Variants in FLYWCH1 observed in about 807,000 individuals in gnomAD.
FLYWCH1 encodes FLYWCH-type zinc finger-containing protein 1.
FLYWCH1 carries 75 observed loss-of-function variants against 66.4 expected under a neutral mutation model. The observed-to-expected ratio is 1.13, with a 90% CI of 0.94 to 1.37. FLYWCH1 has a LOEUF of 1.37. Ranked by LOEUF, FLYWCH1 falls within the 40% of genes most tolerant of loss-of-function variation. The probability of loss-of-function intolerance (pLI) is 0.00; values close to 1 mark genes in which losing one functional copy is unlikely to be tolerated. For synonymous variants in FLYWCH1, 595 were observed against 429.9 expected (o/e 1.38, Z -4.75); for missense variants, 1,334 against 1,001.8 (o/e 1.33, Z -4.48).
intron 9 of FLYWCH1, among the ~76,000 whole-genome samples, chr16:2,947,693 T>C (rs1596409817): frequency 6.7e-6 from 1 of 148,766 alleles, no homozygotes; most frequent in Non-Finnish European, 1.5e-5. Context: ...ACCTGGGAGG[T>C]AGAGGTTGCA....
intron 2 of FLYWCH1, among the ~76,000 whole-genome samples, chr16:2,916,382 T>C (rs899636036): frequency 6.7e-6 from 1 of 150,096 alleles, no homozygotes; most frequent in Non-Finnish European, 1.5e-5. Flanking sequence ...ACGCCTGTAA[T>C]CCCAGCACTT....
At chr16:2,915,936 C>G (rs1168334921) in intron 2 of FLYWCH1, among the ~76,000 whole-genome samples, 1 of 152,182 alleles carries the variant, frequency 6.6e-6, no homozygotes, top group South Asian at 2.1e-4. Flanking sequence ...GATTATAAGG[C>G]TGATTTCATC....
At chr16:2,923,978 A>G (rs1409904085) in intron 2 of FLYWCH1, among the ~76,000 whole-genome samples, 3 of 152,138 alleles carry the variant, frequency 2.0e-5, no homozygotes, top group Admixed American at 2.0e-4. Context: ...TGGAGGTTGC[A>G]TTGAGCTGAG....
In FLYWCH1 at chr16:2,933,269, C is replaced by T; in HGVS notation, c.936C>T (p.Cys312=). Residue 312 remains cysteine (C), a synonymous_variant, in exon 5 of 10, where the codon TGC becomes TGT. Transcript: ENST00000253928. The part of the protein sequence containing the change: ...WTCRDHALHG[C]RSRAITQGQR... ...GCCGGGACCACGCGCTGCACGGCTG[C>T]CGGAGCCGGGCCATCACCCAGGGAC... 2.5e-6 allele frequency: 4 copies of T among 1,612,896 alleles called. No homozygotes were observed. The highest frequency in any genetic ancestry group is 3.4e-6 in the Non-Finnish European group (4 of 1,179,636).
Position 2,930,448 on chromosome 16 carries a change from G to C in FLYWCH1, c.364G>C (p.Gly122Arg), listed in dbSNP as rs1209565365. 2.0e-6 allele frequency: 3 copies of C among 1,493,042 alleles called. No individual in the cohort carries two copies. The highest frequency in any genetic ancestry group is 1.4e-5 in the African/African-American group (1 of 70,076). 92.5% of individuals were successfully genotyped at this position (1,493,042 alleles called of 1,614,324 possible). Reference sequence around the variant, plus strand: ...CCTGGAGTTCCTGAGGACACCATTCGGGGGCCGCCTCCTGGTGCTGGAGTC... The same window carrying C: ...CCTGGAGTTCCTGAGGACACCATTCCGGGGCCGCCTCCTGGTGCTGGAGTC... ...QSLEFLRTPF[G>R]GRLLVLESFL... Residue 122 changes from glycine to arginine, a missense_variant, in exon 4 of 10, where the codon GGG (glycine) becomes CGG (arginine). Transcript: ENST00000253928.
At chr16:2,942,458 C>A (rs977469130) in intron 9 of FLYWCH1, among the ~76,000 whole-genome samples, 5 of 152,120 alleles carry the variant, frequency 3.3e-5, no homozygotes, top group African/African-American at 4.8e-5. Flanking sequence ...CCAGCTCATT[C>A]TCTAAGACCA....
rs1269003650 is a variant in FLYWCH1 at position 2,948,669 on chromosome 16, T to C, written c.2112-19T>C. The C allele has an allele frequency of 8.7e-6, 14 of 1,612,632 alleles. No homozygotes were observed. Among genetic ancestry groups the C allele is most frequent in the East Asian group, 4.5e-5 (2 of 44,876 alleles). ...CATGTTTTGATGTGTGCAATGAACA[T>C]GTGTCTCTTTGTAATTAGGGACATC... On this transcript the variant is annotated intron_variant, in intron 9 of 9. Transcript: ENST00000253928.
At chr16:2,939,258 C>T (rs1264301286) in intron 8 of FLYWCH1, among the ~76,000 whole-genome samples, 1 of 152,116 alleles carries the variant, frequency 6.6e-6, no homozygotes, top group Non-Finnish European at 1.5e-5. Flanking sequence ...CCATCCTGAT[C>T]AACATGGAGA....
In FLYWCH1 at chr16:2,937,352, A is replaced by G. The variant is rs755214952; in HGVS notation, c.1745A>G (p.His582Arg). ...GGLEALRQRE[H>R]FPNLAQWDSP... ...CTGGAGGCCCTGCGGCAGCGGGAGC[A>G]CTTCCCCAACCTGGCGCAGTGGGAC... Residue 582 changes from histidine to arginine, a missense_variant, in exon 7 of 10, where the codon CAC (histidine) becomes CGC (arginine). Coordinates refer to ENST00000253928, the MANE Select transcript of FLYWCH1 (RefSeq NM_001308068.2). 1.3e-6 allele frequency: 2 copies of G among 1,590,116 alleles called. No individual in the cohort carries two copies. Among genetic ancestry groups the G allele is most frequent in the East Asian group, 2.2e-5 (1 of 44,538 alleles).
At chr16:2,928,701 ATCTC>A (rs74950258) in intron 2 of FLYWCH1, 15,263 of 152,360 alleles carry the variant, frequency 0.1, 1,076 homozygotes, top group African/African-American at 0.19. Context: ...TAACAATATG[ATCTC>A]TCTCTCTTTT....
chr16:2,941,215 G>C (rs996347800), intron 9 of FLYWCH1, among the ~76,000 whole-genome samples: 1 of 152,170 alleles, frequency 6.6e-6, no homozygotes, highest in Non-Finnish European at 1.5e-5. Flanking sequence ...CACTCTGGGA[G>C]GCAGAGGCAG....
rs746925373 is a variant in FLYWCH1 at position 2,933,131 on chromosome 16, A to C, written c.798A>C (p.Gly266=). The C allele has an allele frequency of 3.7e-6, 6 of 1,612,196 alleles. No homozygotes were observed. In the South Asian group the frequency reaches 6.6e-5, roughly 18 times the overall value. The part of the protein sequence containing the change: ...PPKKRSILGL[G]QARPLEFLRT... Reference sequence around the variant, plus strand: ...TGACCACTTGGGTCTCTCCTCTAGGACAGGCCCGGCCCCTCGAGTTCCTGA... The same window carrying C: ...TGACCACTTGGGTCTCTCCTCTAGGCCAGGCCCGGCCCCTCGAGTTCCTGA... Residue 266 remains glycine (G), a splice_region_variant and synonymous_variant, in exon 5 of 10, where the codon GGA becomes GGC. Transcript: ENST00000253928.
chr16:2,917,383 C>T (rs1458792715), intron 2 of FLYWCH1, among the ~76,000 whole-genome samples: 4 of 151,248 alleles, frequency 2.6e-5, no homozygotes, highest in Non-Finnish European at 5.9e-5. Flanking sequence ...GCGCCCACCA[C>T]GACGCCCAGC....
At chr16:2,936,390 A>G in intron 6 of FLYWCH1, 1 of 455,710 alleles carries the variant, frequency 2.2e-6, no homozygotes, top group South Asian at 1.6e-5. Context: ...CCTGCTCCAC[A>G]TGGCCCCTGC....
rs756518910 is a variant in FLYWCH1 at position 2,930,787 on chromosome 16, G to A, written c.703G>A (p.Val235Met). 1.7e-5 allele frequency: 27 copies of A among 1,592,760 alleles called. No individual in the cohort carries two copies. The African/African-American group carries it at 3.2e-4, about 19-fold the overall frequency. ...PEEPEPTPGL[V>M]LSKPALEEEE... is the part of the protein sequence containing the mutation. ...GGAGCCCGAGCCCACTCCTGGGCTG[G>A]TGCTGAGCAAGCCGGCCCTGGAGGA... The change falls in exon 4 of 10, where the codon GTG becomes ATG. Residue 235 changes from valine to methionine, a missense_variant. Val to Met is a conservative substitution (Grantham distance 21, BLOSUM62 1). Coordinates refer to ENST00000253928, the MANE Select transcript of FLYWCH1 (RefSeq NM_001308068.2).
At chr16:2,926,629 T>C (rs1416674789) in intron 2 of FLYWCH1, among the ~76,000 whole-genome samples, 1 of 152,248 alleles carries the variant, frequency 6.6e-6, no homozygotes, top group Non-Finnish European at 1.5e-5. Context: ...TAAAGAGCCC[T>C]ACCCTGACTT....
chr16:2,918,147 C>CTT (rs35609623), intron 2 of FLYWCH1, among the ~76,000 whole-genome samples: 10,774 of 103,558 alleles, frequency 0.1, 969 homozygotes, highest in African/African-American at 0.22. Flanking sequence ...CCTTGGATTC[C>CTT]TTTTTTTTTT....
intron 6 of FLYWCH1, chr16:2,936,766 C>T (rs551731441): frequency 1.6e-5 from 8 of 501,046 alleles, no homozygotes; most frequent in East Asian, 5.7e-5. Context: ...CAGAGGGCCC[C>T]GGGTCATTCC....
At position 2,933,555 on chromosome 16, in the gene FLYWCH1, G is replaced by A. The variant is rs370717052; in HGVS notation, c.1222G>A (p.Glu408Lys). The A allele has an allele frequency of 6.5e-5, 105 of 1,603,732 alleles. No individual in the cohort carries two copies. Among genetic ancestry groups the A allele is most frequent in the Non-Finnish European group, 7.4e-5 (87 of 1,174,840 alleles). The change falls in exon 5 of 10, where the codon GAG becomes AAG. Residue 408 changes from glutamate (E) to lysine (K), a missense_variant. Glu to Lys is a moderately conservative substitution (Grantham distance 56). Transcript: ENST00000253928. The part of the protein sequence containing the change: ...ELPTQPEAPD[E>K]HQDMDADPGG... The stretch of plus-strand genomic sequence containing the variant: ...GCCAACCCAGCCCGAGGCCCCAGAC[G>A]AGCACCAGGACATGGACGCAGACCC...
Sources: gnomAD v4.1 joint callset for allele counts (sites outside exome capture counted in the v4.1 genomes callset) on GRCh38, gnomAD v4.1.1 for gene constraint, MANE v1.5 for transcripts, NCBI Gene and HGNC (gene_info 2026-07-23, HGNC 2026-07-21) for gene names.